Variants in DPYSL2 observed in about 807,000 individuals in gnomAD.
DPYSL2 encodes the protein dihydropyrimidinase like 2, also known as dihydropyrimidinase-related protein 2.
Under a neutral mutation model 69.9 loss-of-function variants are expected in DPYSL2, and 13 were observed. The ratio of observed to expected loss-of-function variants is 0.19; its 90% CI spans 0.12 to 0.30. The LOEUF (loss-of-function observed/expected upper bound fraction) is 0.30. DPYSL2 is among the 10% of genes least tolerant of loss of function. The pLI is 1.00. For synonymous variants in DPYSL2, 326 were observed against 359.1 expected (o/e 0.91, Z 1.04); for missense variants, 587 against 918.9 (o/e 0.64, Z 4.67).
intron 1 of DPYSL2, among the ~76,000 whole-genome samples, chr8:26,575,970 G>C (rs1801320699): frequency 6.6e-6 from 1 of 152,178 alleles, no homozygotes; most frequent in African/African-American, 2.4e-5. Flanking sequence ...CGTATTTTAA[G>C]CTTTCTCAGA....
rs1802311107 is a variant in DPYSL2, at chr8:26,614,889, T to C, written c.629-9254T>C. ...TGAATTGGGTCACTTGCTTTAGTTA[T>C]AATATATGAAGGGATAAGACTGAAT... is the stretch of plus-strand genomic sequence containing the variant. On this transcript the variant is annotated intron_variant, in intron 3 of 13. Transcript: ENST00000521913. This position sits in a 1 kb window ranked among gnomAD's most constrained non-coding sequence, Gnocchi z 4.9. Among the ~76,000 whole-genome samples, 1 of 152,238 alleles carries C rather than the reference T, an allele frequency of 6.6e-6. No homozygotes were observed. The highest frequency in any genetic ancestry group is 1.5e-5 in the Non-Finnish European group (1 of 68,044).
chr8:26,520,863 T>A (rs776228117), intron 1 of DPYSL2, among the ~76,000 whole-genome samples: 20 of 152,086 alleles, frequency 1.3e-4, no homozygotes, highest in Non-Finnish European at 2.5e-4. Context: ...CAGATTGCCA[T>A]CTTCTCCTTG....
chr8:26,576,758 A>C (rs1355549162), intron 1 of DPYSL2, among the ~76,000 whole-genome samples: 1 of 152,208 alleles, frequency 6.6e-6, no homozygotes, highest in Non-Finnish European at 1.5e-5. Context: ...TGTGGGATAT[A>C]AACTCTTCCT....
At position 26,647,633 on chromosome 8, in the gene DPYSL2, A is replaced by T; in HGVS notation, c.1429A>T (p.Thr477Ser). The T allele has an allele frequency of 6.2e-7, 1 of 1,611,914 alleles. No homozygotes were observed. Among genetic ancestry groups the T allele is most frequent in the Non-Finnish European group, 8.5e-7 (1 of 1,179,042 alleles). The change falls in exon 11 of 14, where the codon ACT becomes TCT. Residue 477 changes from threonine (T) to serine (S), a missense_variant. Coordinates refer to ENST00000521913, the MANE Select transcript of DPYSL2 (RefSeq NM_001197293.3). The surrounding 1 kb of genome is among the most constrained non-coding windows in gnomAD (Gnocchi z 5.1). ...MSVIWDKAVV[T>S]GKMDENQFVA... is the part of the protein sequence containing the mutation. ...ACACCTATGCTGTCTCCCTCAGGTC[A>T]CTGGGAAGATGGATGAGAACCAGTT...
intron 1 of DPYSL2, among the ~76,000 whole-genome samples, chr8:26,535,837 T>C (rs1343750450): frequency 6.6e-6 from 1 of 152,042 alleles, no homozygotes; most frequent in Non-Finnish European, 1.5e-5. Context: ...GTTGTCCTTG[T>C]AAAGTATTGT....
At position 26,624,002 on chromosome 8, in the gene DPYSL2, A is replaced by C; in HGVS notation, c.629-141A>C. The C allele has an allele frequency of 7.1e-6, 6 of 850,980 alleles. No individual in the cohort carries two copies. In the South Asian group the frequency reaches 1.1e-4, roughly 15 times the overall value. The allele number at this position is 850,980 out of a possible 1,614,324, so 52.7% of individuals were successfully genotyped here. On this transcript the variant is annotated intron_variant, in intron 3 of 13. Transcript: ENST00000521913. This position sits in a 1 kb window ranked among gnomAD's most constrained non-coding sequence, Gnocchi z 4.7. ...TTGGATAATCAGCTGGGTTACATGG[A>C]TTCTTAGAAGCTGGTTGTAGAGATC...
At chr8:26,521,230 A>T (rs540565266) in intron 1 of DPYSL2, among the ~76,000 whole-genome samples, 124 of 152,288 alleles carry the variant, frequency 8.1e-4, no homozygotes, top group African/African-American at 3.0e-3. Flanking sequence ...GCCTGGTCTT[A>T]AAGGTGGTTT....
chr8:26,633,255 C>A (rs2129936615), intron 7 of DPYSL2, among the ~76,000 whole-genome samples: 1 of 152,290 alleles, frequency 6.6e-6, no homozygotes, highest in Non-Finnish European at 1.5e-5. Flanking sequence ...AGCCCCAGTC[C>A]CTCCCCTCCA....
rs977922961 is a variant in DPYSL2 at position 26,641,332 on chromosome 8, G to C, written c.1127-2107G>C. Among the ~76,000 whole-genome samples, 1 of 152,220 alleles carries C rather than the reference G, an allele frequency of 6.6e-6. No individual in the cohort carries two copies. Among genetic ancestry groups the C allele is most frequent in the Non-Finnish European group, 1.5e-5 (1 of 68,036 alleles). ...AGGGCCACGCATCTCTTGTTTTCCT[G>C]TGACTTACACAGCCCTCACCTTTGT... is the stretch of plus-strand genomic sequence containing the variant. On this transcript the variant is annotated intron_variant, in intron 8 of 13. Transcript: ENST00000521913. This position sits in a 1 kb window ranked among gnomAD's most constrained non-coding sequence, Gnocchi z 4.1.
chr8:26,618,527 C>T (rs1232259526), intron 3 of DPYSL2, among the ~76,000 whole-genome samples: 1 of 142,334 alleles, frequency 7.0e-6, no homozygotes, highest in African/African-American at 2.6e-5. Context: ...CTATGTTACC[C>T]AGGCTGGTCT....
chr8:26,590,081 A>T (rs114634443), intron 3 of DPYSL2, among the ~76,000 whole-genome samples: 2,790 of 152,292 alleles, frequency 0.018, 88 homozygotes, highest in African/African-American at 0.064. Flanking sequence ...GTGTGAACGC[A>T]TGCACACACT....
chr8:26,655,040 C>G (rs1026709579), intron 13 of DPYSL2, among the ~76,000 whole-genome samples: 19 of 151,382 alleles, frequency 1.3e-4, no homozygotes, highest in Non-Finnish European at 1.9e-4. Context: ...TAGAGATAGG[C>G]TCTCACTGTG....
At chr8:26,559,459 A>G (rs1214577975) in intron 1 of DPYSL2, among the ~76,000 whole-genome samples, 5 of 152,260 alleles carry the variant, frequency 3.3e-5, no homozygotes, top group Non-Finnish European at 4.4e-5. Flanking sequence ...AATACTTAGT[A>G]CAGTATTTTC....
intron 1 of DPYSL2, among the ~76,000 whole-genome samples, chr8:26,515,387 A>G (rs1441248697): frequency 6.6e-6 from 1 of 152,172 alleles, no homozygotes; most frequent in Non-Finnish European, 1.5e-5. Context: ...GCGCTCCCCA[A>G]ACCGCTATGT....
At chr8:26,549,121 G>C (rs141094040) in intron 1 of DPYSL2, among the ~76,000 whole-genome samples, 8 of 151,532 alleles carry the variant, frequency 5.3e-5, no homozygotes, top group Non-Finnish European at 1.2e-4. Flanking sequence ...CCCAGGAGGC[G>C]GAGGCTGCAG....
rs1340236509 is a variant in DPYSL2 at position 26,655,531 on chromosome 8, G to A, written c.1943-84G>A. On this transcript the variant is annotated intron_variant, in intron 13 of 13. Transcript: ENST00000521913. ...GAATGCGACTAGCACTTTTCCTCCT[G>A]AGCTGTGAGATTTCACCTTCAAGCA... The A allele has an allele frequency of 5.6e-6, 7 of 1,245,026 alleles. No individual in the cohort carries two copies. In the African/African-American group the frequency reaches 6.0e-5, roughly 11 times the overall value. The allele number at this position is 1,245,026 out of a possible 1,614,324, so 77.1% of individuals were successfully genotyped here. A position where few individuals can be genotyped will look rare whatever the true frequency, so the allele number is the denominator to read the frequency against.
rs761827903 is a variant in DPYSL2 at position 26,640,427 on chromosome 8, C to G, written c.1127-3012C>G. Among the ~76,000 whole-genome samples, 6 of 152,192 alleles carry G rather than the reference C, an allele frequency of 3.9e-5. No homozygotes were observed. The highest frequency in any genetic ancestry group is 7.2e-5 in the African/African-American group (3 of 41,458). On this transcript the variant is annotated intron_variant, in intron 8 of 13. Coordinates refer to ENST00000521913, the MANE Select transcript of DPYSL2 (RefSeq NM_001197293.3). The surrounding 1 kb of genome is among the most constrained non-coding windows in gnomAD (Gnocchi z 4.2). ...GAGAAGTGCAGAAGGGCCAATTAAGCCCATTTCGTGGTTTATTATTATTAG... is the reference window on the plus strand; with the variant it reads ...GAGAAGTGCAGAAGGGCCAATTAAGGCCATTTCGTGGTTTATTATTATTAG...
intron 1 of DPYSL2, among the ~76,000 whole-genome samples, chr8:26,528,242 A>G (rs1197881936): frequency 1.3e-5 from 2 of 152,164 alleles, no homozygotes; most frequent in African/African-American, 4.8e-5. Flanking sequence ...AGGAGTTGTG[A>G]CTTCTGTTGA....
intron 2 of DPYSL2, among the ~76,000 whole-genome samples, chr8:26,583,456 G>C (rs1801532564): frequency 6.6e-6 from 1 of 151,988 alleles, no homozygotes; most frequent in African/African-American, 2.4e-5. Context: ...AATTGCTATA[G>C]GATAATTAGC....
Sources: gnomAD v4.1 joint callset for allele counts (sites outside exome capture counted in the v4.1 genomes callset) on GRCh38, gnomAD v4.1.1 for gene constraint, Gnocchi (gnomAD v3.1) non-coding constraint, MANE v1.5 for transcripts, NCBI Gene and HGNC (gene_info 2026-07-23, HGNC 2026-07-21) for gene names.